GGA2: variants seen among roughly 807,000 people sequenced by gnomAD.
GGA2 encodes the protein ADP-ribosylation factor-binding protein GGA2.
Under a neutral mutation model 79.5 loss-of-function variants are expected in GGA2, and 48 were observed. That is an observed-to-expected ratio of 0.60 (90% CI 0.48 to 0.77). The LOEUF (loss-of-function observed/expected upper bound fraction) is 0.77, where lower values mean the gene tolerates loss of function less well. Among genes scored for constraint, GGA2 ranks in the 30% least tolerant of loss-of-function variants. The pLI is 0.00. For missense variants in GGA2, 770 were observed against 774.0 expected (o/e 0.99, Z 0.06); for synonymous variants, 317 against 302.0 (o/e 1.05, Z -0.51).
At position 23,479,832 on chromosome 16, in the gene GGA2, C is replaced by T. The variant is rs751288609; in HGVS notation, c.1062G>A (p.Val354=). 7 of 1,613,992 alleles carry T rather than the reference C, an allele frequency of 4.3e-6. No individual in the cohort carries two copies. The South Asian group carries it at 6.6e-5, about 15-fold the overall frequency. ...MKTCPLIDLE[V]DNGPAQMGTV... ...TCCCCATCTGCGCAGGTCCATTGTCCACCTCCAAGTCAATCAGGGGGCAGG... is the reference window on the plus strand; with the variant it reads ...TCCCCATCTGCGCAGGTCCATTGTCTACCTCCAAGTCAATCAGGGGGCAGG... The change falls in exon 11 of 17, where the codon GTG becomes GTA. Residue 354 remains valine, a synonymous_variant. Coordinates refer to ENST00000309859, the MANE Select transcript of GGA2 (RefSeq NM_015044.4).
chr16:23,484,541 T>C (rs1383641782), intron 8 of GGA2, among the ~76,000 whole-genome samples: 2 of 152,192 alleles, frequency 1.3e-5, no homozygotes, highest in Non-Finnish European at 2.9e-5. Context: ...TAAAAAACGC[T>C]TGTAACTCAA....
intron 9 of GGA2, among the ~76,000 whole-genome samples, chr16:23,481,514 T>C (rs1964648043): frequency 6.6e-6 from 1 of 152,246 alleles, no homozygotes; most frequent in Admixed American, 6.5e-5. Context: ...GGTTCACGCC[T>C]GTAATCCCAG....
chr16:23,480,692 A>G lies in GGA2; in HGVS notation c.959T>C (p.Phe320Ser), dbSNP rs762363621. ...YKQVMEGRVT[F>S]GNRVTSSLGD... ...CAATGAGCTGGTCACTCTGTTTCCA[A>G]AGGTGACCCGGCCCTCCATCACCTG... The change falls in exon 10 of 17, where the codon TTT (phenylalanine) becomes TCT (serine). Residue 320 changes from phenylalanine to serine, a missense_variant. Physicochemically the swap from Phe to Ser is radical, Grantham distance 155. Transcript: ENST00000309859. The G allele has an allele frequency of 1.2e-6, 2 of 1,613,530 alleles. No homozygotes were observed. The highest frequency in any genetic ancestry group is 2.7e-5 in the African/African-American group (2 of 74,922).
At position 23,465,048 on chromosome 16, in the gene GGA2, C is replaced by T; in HGVS notation, c.*2542G>A. ...AGTTCAAGATACTGGAAAGCACTGG[C>T]CATGAGTGCCAGATCTCCAGCACAC... On this transcript the variant is annotated 3_prime_UTR_variant, in exon 17 of 17. Coordinates refer to ENST00000309859, the MANE Select transcript of GGA2 (RefSeq NM_015044.4). 1 of 485,398 alleles carries T rather than the reference C, an allele frequency of 2.1e-6. No homozygotes were observed. Among genetic ancestry groups the T allele is most frequent in the East Asian group, 3.6e-5 (1 of 27,852 alleles). The allele number at this position is 485,398 out of a possible 1,614,324, so 30.1% of individuals were successfully genotyped here.
At chr16:23,472,006 T>TG (rs1964516731) in intron 14 of GGA2, among the ~76,000 whole-genome samples, 1 of 152,068 alleles carries the variant, frequency 6.6e-6, no homozygotes, top group Admixed American at 6.6e-5. Flanking sequence ...GGCAAGAGTA[T>TG]GGGGAAAAAA....
At chr16:23,505,307 C>G (rs530555555) in intron 1 of GGA2, among the ~76,000 whole-genome samples, 1 of 152,250 alleles carries the variant, frequency 6.6e-6, no homozygotes, top group East Asian at 1.9e-4. Flanking sequence ...GCTACCAGAG[C>G]TAGAATTCTA....
At chr16:23,473,228 T>G (rs1234759872) in intron 14 of GGA2, among the ~76,000 whole-genome samples, 2 of 151,272 alleles carry the variant, frequency 1.3e-5, no homozygotes, top group Non-Finnish European at 2.9e-5. Flanking sequence ...AAGAACTGTA[T>G]GTACATATAT....
intron 3 of GGA2, chr16:23,493,681 T>C: frequency 3.9e-6 from 2 of 517,734 alleles, no homozygotes; most frequent in South Asian, 4.3e-5. Flanking sequence ...GCCCAGGAAA[T>C]AGCTTAGTGA....
intron 1 of GGA2, among the ~76,000 whole-genome samples, chr16:23,505,316 T>C (rs1964962759): frequency 6.6e-6 from 1 of 152,130 alleles, no homozygotes; most frequent in African/African-American, 2.4e-5. Context: ...GCTAGAATTC[T>C]AGAGCCCAAG....
chr16:23,519,704 A>C lies in GGA2; in HGVS notation c.9-65T>G, dbSNP rs115422339. ...TGAATGTTAGAAACTGTGCCATCTC[A>C]GAGGGCCGAGTGGCTGCCTTTGGTC... On this transcript the variant is annotated intron_variant, in intron 1 of 5. Transcript: ENST00000569300. The C allele has an allele frequency of 7.0e-3, 2,202 of 315,376 alleles. 55 individuals are homozygous for C. Among genetic ancestry groups the C allele is most frequent in the African/African-American group, 0.046 (2,035 of 44,390 alleles). The allele number at this position is 315,376 out of a possible 1,614,324, so 19.5% of individuals were successfully genotyped here. A position where few individuals can be genotyped will look rare whatever the true frequency, so the allele number is the denominator to read the frequency against.
At chr16:23,516,555 T>C (rs1361194844) in intron 2 of GGA2, among the ~76,000 whole-genome samples, 1 of 152,088 alleles carries the variant, frequency 6.6e-6, no homozygotes, top group Non-Finnish European at 1.5e-5. Context: ...GTTGCCAGAG[T>C]GACCTTTCAA....
At chr16:23,496,884 G>A (rs1011719123) in intron 1 of GGA2, among the ~76,000 whole-genome samples, 1 of 151,344 alleles carries the variant, frequency 6.6e-6, no homozygotes, top group African/African-American at 2.4e-5. Flanking sequence ...CCTGAACCCA[G>A]GAGGTGGAGG....
intron 1 of GGA2, among the ~76,000 whole-genome samples, 195 bp from the exon 2 acceptor site, chr16:23,495,973 T>C (rs1414639056): frequency 6.6e-6 from 1 of 152,094 alleles, no homozygotes; most frequent in Non-Finnish European, 1.5e-5. Flanking sequence ...TGGTATGCCC[T>C]TACTGAATAT....
chr16:23,475,086 A>G, intron 13 of GGA2, 25 bp from the exon 14 acceptor site: 1 of 1,501,892 alleles, frequency 6.7e-7, no homozygotes, highest in Admixed American at 2.2e-5. Context: ...AAAATATCAA[A>G]GACTAGCAAA....
intron 1 of GGA2, among the ~76,000 whole-genome samples, chr16:23,510,083 G>A (rs1260976698): frequency 1.6e-4 from 24 of 149,890 alleles, no homozygotes; most frequent in Non-Finnish European, 3.3e-4. Context: ...CTGCTAAGTT[G>A]GGGGGTGGGC....
chr16:23,483,480 G>A (rs1335702519), intron 8 of GGA2, among the ~76,000 whole-genome samples: 3 of 152,192 alleles, frequency 2.0e-5, no homozygotes, highest in African/African-American at 4.8e-5. Flanking sequence ...GTTACGTGGA[G>A]GCTGGCTCTC....
chr16:23,497,816 G>A (rs944045198), intron 1 of GGA2, among the ~76,000 whole-genome samples: 1 of 152,138 alleles, frequency 6.6e-6, no homozygotes, highest in African/African-American at 2.4e-5. Context: ...GACTCGCTGA[G>A]CCTCAGTTTC....
intron 1 of GGA2, chr16:23,521,784 A>C: frequency 2.2e-6 from 1 of 453,684 alleles, no homozygotes; most frequent in South Asian, 1.5e-5. Context: ...CTTTGTTAAA[A>C]ACACTCACTT....
chr16:23,506,549 A>C (rs1421715986), intron 1 of GGA2, among the ~76,000 whole-genome samples: 2 of 152,160 alleles, frequency 1.3e-5, no homozygotes, highest in Non-Finnish European at 2.9e-5. Context: ...ACTGGGAGGA[A>C]GGGTGTGAGC....
Sources: gnomAD v4.1 joint callset for allele counts (sites outside exome capture counted in the v4.1 genomes callset) on GRCh38, gnomAD v4.1.1 for gene constraint, MANE v1.5 for transcripts, NCBI Gene and HGNC (gene_info 2026-07-23, HGNC 2026-07-21) for gene names.